CYP46A1: variants seen among roughly 807,000 people sequenced by gnomAD.
CYP46A1 encodes cholesterol 24-hydroxylase.
A neutral mutation model predicts 63.3 loss-of-function variants in CYP46A1; 20 were observed. That is an observed-to-expected ratio of 0.32 (90% confidence interval 0.22 to 0.46). CYP46A1 has a LOEUF of 0.46. CYP46A1 is among the 20% of genes least tolerant of loss of function. CYP46A1 has a pLI of 1.00. For missense variants in CYP46A1, 445 were observed against 670.8 expected (o/e 0.66, Z 3.72); for synonymous variants, 268 against 273.6 (o/e 0.98, Z 0.20).
At chr14:99,687,659 C>T (rs1300022075) in intron 1 of CYP46A1, among the ~76,000 whole-genome samples, 1 of 152,246 alleles carries the variant, frequency 6.6e-6, no homozygotes, top group Non-Finnish European at 1.5e-5. Flanking sequence ...GGCCTCTCCT[C>T]GTTCACTGGC....
At chr14:99,692,360 G>A (rs1485021905) in intron 3 of CYP46A1, among the ~76,000 whole-genome samples, 1 of 152,226 alleles carries the variant, frequency 6.6e-6, no homozygotes, top group Non-Finnish European at 1.5e-5. Flanking sequence ...CCAACATGGT[G>A]AAACCTCATC....
intron 10 of CYP46A1, among the ~76,000 whole-genome samples, chr14:99,719,378 A>ATTTTTTTTTTTTTTTTTTTTTT (rs55679517): frequency 7.0e-6 from 1 of 142,568 alleles, no homozygotes; most frequent in African/African-American, 2.7e-5. Context: ...CACCTGGCTA[A>ATTTTTTTTTTTTTTTTTTTTTT]TTTTTTTTTT....
intron 1 of CYP46A1, among the ~76,000 whole-genome samples, chr14:99,688,018 C>T (rs188751668): frequency 3.4e-4 from 51 of 152,024 alleles, no homozygotes; most frequent in African/African-American, 1.2e-3. Flanking sequence ...CCATGAGGAC[C>T]CCACCCCTCT....
At chr14:99,694,273 AGTT>A (rs2140115553) in intron 3 of CYP46A1, among the ~76,000 whole-genome samples, 1 of 139,378 alleles carries the variant, frequency 7.2e-6, no homozygotes, top group African/African-American at 2.6e-5. Context: ...ATTGGCATAA[AGTT>A]GTTCATGAGA....
chr14:99,719,007 G>GT (rs1271403474), intron 10 of CYP46A1, among the ~76,000 whole-genome samples: 3 of 152,026 alleles, frequency 2.0e-5, no homozygotes, highest in Admixed American at 2.0e-4. Context: ...GCTTTGCCGT[G>GT]TTTTTTGTCA....
At chr14:99,687,667 G>A (rs1344176174) in intron 1 of CYP46A1, among the ~76,000 whole-genome samples, 1 of 152,182 alleles carries the variant, frequency 6.6e-6, no homozygotes, top group African/African-American at 2.4e-5. Context: ...CTCGTTCACT[G>A]GCCAAGGTTT....
intron 7 of CYP46A1, 139 bp downstream of exon 7, chr14:99,707,817 C>T (rs1447420472): frequency 5.9e-6 from 4 of 673,294 alleles, no homozygotes; most frequent in Non-Finnish European, 1.0e-5. Flanking sequence ...ACTTCTGAAT[C>T]AGGATTTGCA....
chr14:99,712,874 C>G (rs1156941913), intron 7 of CYP46A1: 1 of 152,164 alleles, frequency 6.6e-6, no homozygotes, highest in African/African-American at 2.4e-5. Context: ...CTGGAGGCAC[C>G]ATACTACCCG....
At chr14:99,705,479 T>C (rs943269292) in intron 5 of CYP46A1, among the ~76,000 whole-genome samples, 2 of 152,218 alleles carry the variant, frequency 1.3e-5, no homozygotes, top group Admixed American at 1.3e-4. Context: ...TCCAAAGTAT[T>C]GGGGTTATAG....
At chr14:99,708,954 A>G (rs2056705151) in intron 7 of CYP46A1, 1 of 152,204 alleles carries the variant, frequency 6.6e-6, no homozygotes, top group African/African-American at 2.4e-5. Context: ...GATACCACTG[A>G]CACTGATTAC....
At chr14:99,721,544 C>T (rs1016857909) in intron 11 of CYP46A1, among the ~76,000 whole-genome samples, 2 of 152,230 alleles carry the variant, frequency 1.3e-5, no homozygotes, top group Admixed American at 1.3e-4. Context: ...AGGTTGGAAA[C>T]TGGCCCTTTA....
intron 12 of CYP46A1, chr14:99,723,104 ATGTGTTTTT>A: frequency 4.0e-6 from 1 of 251,542 alleles, no homozygotes; most frequent in Admixed American, 4.5e-5. Context: ...CCATCCAAAT[ATGTGTTTTT>A]AAAAAAGTAT....
chr14:99,692,200 TATG>T (rs2056549882), intron 3 of CYP46A1, among the ~76,000 whole-genome samples: 1 of 152,240 alleles, frequency 6.6e-6, no homozygotes, highest in African/African-American at 2.4e-5. Context: ...TCTCCAGGGC[TATG>T]ATAAGAATTA....
intron 4 of CYP46A1, 79 bp downstream of exon 4, chr14:99,699,618 G>A (rs2056613618): frequency 1.3e-5 from 19 of 1,486,834 alleles, no homozygotes; most frequent in Non-Finnish European, 1.8e-5. Context: ...GGTCCAGAAT[G>A]TGGGGTGTAG....
At chr14:99,703,810 C>T (rs1382448785) in intron 5 of CYP46A1, 1 of 984,122 alleles carries the variant, frequency 1.0e-6, no homozygotes, top group Non-Finnish European at 1.2e-6. Flanking sequence ...CAGGAATGCC[C>T]ATAGAGTGAA....
At chr14:99,707,419 A>T (rs1159181757) in intron 6 of CYP46A1, 149 bp from the exon 7 acceptor site, 2 of 618,784 alleles carry the variant, frequency 3.2e-6, no homozygotes, top group Non-Finnish European at 5.8e-6. Context: ...GGATCAAATT[A>T]TCATGGGTCA....
At chr14:99,690,747 G>A (rs552028024) in intron 1 of CYP46A1, among the ~76,000 whole-genome samples, 1 of 152,272 alleles carries the variant, frequency 6.6e-6, no homozygotes, top group East Asian at 1.9e-4. Context: ...GAAGCCTAGC[G>A]TGGTGGTGCC....
At position 99,722,158 on chromosome 14, in the gene CYP46A1, G is replaced by C. The variant is rs1446352329; in HGVS notation, c.1176+92G>C. ...ACTCACCAGGGGAGCCTGTGGCCCT[G>C]TTCCCATCATTGCAACGGGCCTCAC... On this transcript the variant is annotated intron_variant, in intron 12 of 14. Coordinates refer to ENST00000261835, the MANE Select transcript of CYP46A1 (RefSeq NM_006668.2). The surrounding 1 kb of genome is among the most constrained non-coding windows in gnomAD (Gnocchi z 4.6). 1 of 913,088 alleles carries C rather than the reference G, an allele frequency of 1.1e-6. No individual in the cohort carries two copies. Among genetic ancestry groups the C allele is most frequent in the Non-Finnish European group, 1.7e-6 (1 of 589,524 alleles). The allele number at this position is 913,088 out of a possible 1,614,324, so 56.6% of individuals were successfully genotyped here. A position where few individuals can be genotyped will look rare whatever the true frequency, so the allele number is the denominator to read the frequency against.
chr14:99,722,579 G>C lies in CYP46A1; in HGVS notation c.1176+513G>C, dbSNP rs1375928630. On this transcript the variant is annotated intron_variant, in intron 12 of 14. Coordinates refer to ENST00000261835, the MANE Select transcript of CYP46A1 (RefSeq NM_006668.2). This position sits in a 1 kb window ranked among gnomAD's most constrained non-coding sequence, Gnocchi z 4.6. ...AACCCACCCCCAAACCAGGAAACTA[G>C]GATATAGTCACTCCCTGCTCCGCTG... 6.6e-6 allele frequency among the ~76,000 whole-genome samples: 1 copy of C among 151,336 alleles called. No individual in the cohort carries two copies. The highest frequency in any genetic ancestry group is 1.5e-5 in the Non-Finnish European group (1 of 67,910).
Sources: allele counts gnomAD v4.1 joint callset (sites outside exome capture counted in the v4.1 genomes callset), GRCh38; gene constraint gnomAD v4.1.1; non-coding constraint Gnocchi (gnomAD v3.1); transcripts MANE v1.5; gene names NCBI Gene and HGNC (gene_info 2026-07-23, HGNC 2026-07-21).